The following WWC2 variants were observed in gnomAD, a reference collection of about 807,000 sequenced individuals.
WWC2 encodes the protein WW and C2 domain containing 2.
Under a neutral mutation model 138.5 loss-of-function variants are expected in WWC2, and 101 were observed. The ratio of observed to expected loss-of-function variants is 0.73; its 90% CI spans 0.62 to 0.86. The LOEUF is 0.86. WWC2 is among the 40% of genes least tolerant of loss of function. The pLI is 0.00. For synonymous variants in WWC2, 558 were observed against 538.4 expected (o/e 1.04, Z -0.50); for missense variants, 1,420 against 1,419.4 (o/e 1.00, Z -0.01).
intron 1 of WWC2, 28 bp downstream of exon 1, chr4:183,099,650 C>A: frequency 7.8e-7 from 1 of 1,277,566 alleles, no homozygotes; most frequent in Non-Finnish European, 1.0e-6. Context: ...GGGCGCGGGC[C>A]CGTTCGGACA....
intron 17 of WWC2, 42 bp downstream of exon 17, chr4:183,280,939 A>T (rs1738051650): frequency 6.5e-7 from 1 of 1,535,520 alleles, no homozygotes; most frequent in Non-Finnish European, 8.8e-7. Flanking sequence ...CTCAAAGATG[A>T]TGTGTTTACA....
chr4:183,238,020 G>C (rs573687779), intron 4 of WWC2, among the ~76,000 whole-genome samples: 1 of 151,856 alleles, frequency 6.6e-6, no homozygotes, highest in South Asian at 2.1e-4. Flanking sequence ...GTTTATTCTC[G>C]TGCACCTAAA....
chr4:183,133,357 T>A (rs1733000471), intron 1 of WWC2, among the ~76,000 whole-genome samples: 1 of 152,058 alleles, frequency 6.6e-6, no homozygotes. Context: ...AATTATAGGA[T>A]GCCATAGATT....
At chr4:183,131,907 C>T (rs528561953) in intron 1 of WWC2, among the ~76,000 whole-genome samples, 2 of 152,172 alleles carry the variant, frequency 1.3e-5, no homozygotes, top group Non-Finnish European at 2.9e-5. Context: ...CTTGTCATCA[C>T]AGCTCTGTGT....
chr4:183,195,167 C>T (rs778337378), intron 2 of WWC2, among the ~76,000 whole-genome samples: 26 of 152,248 alleles, frequency 1.7e-4, no homozygotes, highest in Middle Eastern at 3.4e-3. Context: ...ACTTTAAGCA[C>T]GGTGTCTCAC....
chr4:183,241,635 T>G (rs560282850), intron 5 of WWC2, among the ~76,000 whole-genome samples: 31 of 152,332 alleles, frequency 2.0e-4, no homozygotes, highest in African/African-American at 7.5e-4. Context: ...AGGTATATTT[T>G]ATGAGATCCC....
At chr4:183,285,016 C>G (rs1301594318) in intron 19 of WWC2, among the ~76,000 whole-genome samples, 2 of 152,120 alleles carry the variant, frequency 1.3e-5, no homozygotes, top group Non-Finnish European at 2.9e-5. Flanking sequence ...TTATTAAGCA[C>G]CTGCTTTTAA....
intron 2 of WWC2, among the ~76,000 whole-genome samples, chr4:183,198,393 A>G (rs2111221026): frequency 6.6e-6 from 1 of 151,970 alleles, no homozygotes; most frequent in South Asian, 2.1e-4. Context: ...CTTAAAATTT[A>G]TTTTTGTTTT....
At position 183,213,636 on chromosome 4, in the gene WWC2, G is replaced by A. The variant is rs78072915; in HGVS notation, c.522+4611G>A. Among the ~76,000 whole-genome samples, 559 of 152,190 alleles carry A rather than the reference G, an allele frequency of 3.7e-3. 3 individuals are homozygous for A. The highest frequency in any genetic ancestry group is 0.013 in the African/African-American group (534 of 41,532). On this transcript the variant is annotated intron_variant, in intron 4 of 22. Transcript: ENST00000403733. ...GGACATAGGTACTGATAATCATTGGGCTTGTTTCCTCTTTGGTCAAATGGG... is the reference window on the plus strand; with the variant it reads ...GGACATAGGTACTGATAATCATTGGACTTGTTTCCTCTTTGGTCAAATGGG...
intron 2 of WWC2, among the ~76,000 whole-genome samples, chr4:183,205,903 T>TC (rs1483118407): frequency 6.6e-6 from 1 of 152,182 alleles, no homozygotes; most frequent in Non-Finnish European, 1.5e-5. Flanking sequence ...CTTGTGCATT[T>TC]CCCGTTGTCA....
intron 21 of WWC2, among the ~76,000 whole-genome samples, chr4:183,296,585 A>G (rs976777016): frequency 6.6e-6 from 1 of 152,170 alleles, no homozygotes; most frequent in African/African-American, 2.4e-5. Context: ...CTGGCCTTGT[A>G]GTAAGTTTCT....
chr4:183,272,905 A>G (rs757062871), intron 16 of WWC2, among the ~76,000 whole-genome samples: 9 of 152,228 alleles, frequency 5.9e-5, no homozygotes, highest in Non-Finnish European at 1.0e-4. Context: ...AAATGCAGCT[A>G]TGAACATTTG....
At chr4:183,306,294 CTGTAAACATCAG>C (rs1439580560) in intron 21 of WWC2, among the ~76,000 whole-genome samples, 1 of 152,194 alleles carries the variant, frequency 6.6e-6, no homozygotes, top group Non-Finnish European at 1.5e-5. Flanking sequence ...TCATTAATCA[CTGTAAACATCAG>C]TGGTCTGAAT....
At chr4:183,281,796 A>T (rs1696519712) in intron 17 of WWC2, among the ~76,000 whole-genome samples, 1 of 152,226 alleles carries the variant, frequency 6.6e-6, no homozygotes. Flanking sequence ...TGCAAAACAA[A>T]TAAATACGAG....
At chr4:183,137,215 C>T (rs10001783) in intron 1 of WWC2, among the ~76,000 whole-genome samples, 151,360 of 152,290 alleles carry the variant, frequency 0.99, 75,225 homozygotes, top group Middle Eastern at 1. Flanking sequence ...CTTCAGTAAT[C>T]AATGCTAACT....
chr4:183,153,036 T>C (rs1298186375), intron 1 of WWC2, among the ~76,000 whole-genome samples: 1 of 152,084 alleles, frequency 6.6e-6, no homozygotes, highest in African/African-American at 2.4e-5. Context: ...GCTGGGATTA[T>C]AGGTACATCA....
chr4:183,265,580 A>G, intron 12 of WWC2, 108 bp from the exon 13 acceptor site: 1 of 1,091,026 alleles, frequency 9.2e-7, no homozygotes, highest in Non-Finnish European at 1.4e-6. Context: ...AGGGCATAGG[A>G]GTGCTGTTAA....
intron 21 of WWC2, among the ~76,000 whole-genome samples, chr4:183,303,468 C>T (rs921342578): frequency 6.6e-6 from 1 of 152,196 alleles, no homozygotes; most frequent in Non-Finnish European, 1.5e-5. Context: ...GAGTCAGTGC[C>T]TTGGGTGGAG....
At chr4:183,201,551 A>G (rs771275363) in intron 2 of WWC2, among the ~76,000 whole-genome samples, 3 of 152,180 alleles carry the variant, frequency 2.0e-5, no homozygotes, top group Non-Finnish European at 2.9e-5. Flanking sequence ...CCTAGAGGCC[A>G]GGTTAAACAC....
Sources: gnomAD v4.1 joint callset for allele counts (sites outside exome capture counted in the v4.1 genomes callset) on GRCh38, gnomAD v4.1.1 for gene constraint, MANE v1.5 for transcripts, NCBI Gene and HGNC (gene_info 2026-07-23, HGNC 2026-07-21) for gene names.